Variants in LATS1 observed in about 807,000 individuals in gnomAD.
LATS1 encodes the protein serine/threonine-protein kinase LATS1.
A neutral mutation model predicts 106.6 loss-of-function variants in LATS1; 25 were observed. The ratio of observed to expected loss-of-function variants is 0.23; its 90% CI spans 0.17 to 0.33. The LOEUF (loss-of-function observed/expected upper bound fraction) is 0.33. Ranked by LOEUF, LATS1 falls within the 10% of genes least tolerant of loss-of-function variation. LATS1 has a pLI of 1.00. For synonymous variants in LATS1, 465 were observed against 455.6 expected (o/e 1.02, Z -0.26); for missense variants, 1,040 against 1,382.6 (o/e 0.75, Z 3.93).
At position 149,680,606 on chromosome 6, in the gene LATS1, G is replaced by C. The variant is rs755175459; in HGVS notation, c.2011-149C>G. On this transcript the variant is annotated intron_variant, in intron 4 of 7. Transcript: ENST00000543571. ...TTAGAAATCTAGAAAACATTTCAAA[G>C]GAAATTAATGATCAAAAGTGCAGCC... 74 of 636,472 alleles carry C rather than the reference G, an allele frequency of 1.2e-4. 1 individual carries two copies. The highest frequency in any genetic ancestry group is 1.7e-4 in the Non-Finnish European group (62 of 374,408). The allele number at this position is 636,472 out of a possible 1,614,324, so 39.4% of individuals were successfully genotyped here.
At chr6:149,716,046 C>T (rs1185696401) in intron 1 of LATS1, among the ~76,000 whole-genome samples, 1 of 151,148 alleles carries the variant, frequency 6.6e-6, no homozygotes, top group Non-Finnish European at 1.5e-5. Context: ...TGACAGATCG[C>T]CATTTTTTTT....
rs1031545716 is a variant in LATS1, at chr6:149,667,331, G to A, written c.2884-5093C>T. On this transcript the variant is annotated intron_variant, in intron 7 of 7. Transcript: ENST00000543571. Reference sequence around the variant, plus strand: ...TGCCTACAGTCCCAGCGACTCAGGAGGCTGAGGTGGAAGGATCACTTGAAC... The same window carrying A: ...TGCCTACAGTCCCAGCGACTCAGGAAGCTGAGGTGGAAGGATCACTTGAAC... 5.3e-5 allele frequency among the ~76,000 whole-genome samples: 8 copies of A among 151,250 alleles called. No homozygotes were observed. The South Asian group carries it at 1.5e-3, about 28-fold the overall frequency.
chr6:149,694,919 C>T (rs1782973186), intron 3 of LATS1, among the ~76,000 whole-genome samples, 155 bp downstream of exon 3: 1 of 152,144 alleles, frequency 6.6e-6, no homozygotes, highest in Non-Finnish European at 1.5e-5. Flanking sequence ...TCCTTAAATT[C>T]ATTTTGGTAT....
intron 3 of LATS1, 66 bp from the exon 4 acceptor site, chr6:149,684,658 T>A: frequency 8.5e-7 from 1 of 1,179,410 alleles, no homozygotes; most frequent in Non-Finnish European, 1.2e-6. Context: ...TTTGAAAACC[T>A]TAGCTTGCAA....
chr6:149,682,213 A>C (rs899335702), intron 4 of LATS1, among the ~76,000 whole-genome samples: 3 of 152,068 alleles, frequency 2.0e-5, no homozygotes, highest in South Asian at 2.1e-4. Context: ...TCTCCCTTTT[A>C]GTATAGTTTC....
intron 3 of LATS1, among the ~76,000 whole-genome samples, chr6:149,692,853 T>C (rs1782844640): frequency 6.6e-6 from 1 of 151,998 alleles, no homozygotes; most frequent in African/African-American, 2.4e-5. Context: ...TTTGTATTTT[T>C]AGTAGAGACG....
In LATS1 at chr6:149,712,729, C is replaced by G. The variant is rs1582935588; in HGVS notation, c.-141+5120G>C. On this transcript the variant is annotated intron_variant, in intron 1 of 7. Coordinates refer to ENST00000543571, the MANE Select transcript of LATS1 (RefSeq NM_004690.4). ...AAAGTTAGGGCCGGGTGCAGTGGCT[C>G]ATGCCTGTAATTCCAAAACTTTTGG... 8.5e-5 allele frequency among the ~76,000 whole-genome samples: 13 copies of G among 152,262 alleles called. 1 individual carries two copies. The South Asian group carries it at 2.7e-3, about 32-fold the overall frequency.
At chr6:149,665,777 C>T (rs541378931) in intron 7 of LATS1, among the ~76,000 whole-genome samples, 9 of 152,198 alleles carry the variant, frequency 5.9e-5, no homozygotes, top group Non-Finnish European at 1.3e-4. Flanking sequence ...TCAAAAAAGA[C>T]TGGTTGGAAC....
At chr6:149,709,403 A>G (rs1367830949) in intron 1 of LATS1, among the ~76,000 whole-genome samples, 1 of 152,236 alleles carries the variant, frequency 6.6e-6, no homozygotes, top group Admixed American at 6.5e-5. Flanking sequence ...CCATATCTTC[A>G]AACAGTCCTG....
chr6:149,662,546 C>T (rs1780929734), intron 7 of LATS1, among the ~76,000 whole-genome samples: 2 of 151,992 alleles, frequency 1.3e-5, no homozygotes, highest in South Asian at 4.1e-4. Context: ...GCTTGTGGTA[C>T]CTATTTATGT....
intron 3 of LATS1, among the ~76,000 whole-genome samples, chr6:149,685,803 CAA>C (rs11316486): frequency 1.7e-4 from 25 of 144,728 alleles, no homozygotes; most frequent in Admixed American, 2.7e-4. Flanking sequence ...ATAAAACAAG[CAA>C]AAAAAAAAAT....
At chr6:149,716,109 A>G (rs1784373314) in intron 1 of LATS1, 1 of 151,890 alleles carries the variant, frequency 6.6e-6, no homozygotes, top group Middle Eastern at 3.4e-3. Flanking sequence ...AACAAGTATC[A>G]TTGATTAGTT....
chr6:149,702,169 T>C lies in LATS1; in HGVS notation c.-43A>G, dbSNP rs1295848761. Reference sequence around the variant, plus strand: ...TAGCCCACACGAAGGACTTCTTTATTTGATAGATCCAGAGCTTTCTTCTGA... The same window carrying C: ...TAGCCCACACGAAGGACTTCTTTATCTGATAGATCCAGAGCTTTCTTCTGA... On this transcript the variant is annotated 5_prime_UTR_variant, in exon 2 of 8. Coordinates refer to ENST00000543571, the MANE Select transcript of LATS1 (RefSeq NM_004690.4). 5 of 1,307,146 alleles carry C rather than the reference T, an allele frequency of 3.8e-6. No individual in the cohort carries two copies. Among genetic ancestry groups the C allele is most frequent in the Non-Finnish European group, 5.3e-6 (5 of 935,662 alleles). 81.0% of individuals were successfully genotyped at this position (1,307,146 alleles called of 1,614,324 possible). A position where few individuals can be genotyped will look rare whatever the true frequency, so the allele number is the denominator to read the frequency against.
chr6:149,682,285 A>G (rs1348375993), intron 4 of LATS1, among the ~76,000 whole-genome samples: 1 of 152,206 alleles, frequency 6.6e-6, no homozygotes, highest in Non-Finnish European at 1.5e-5. Context: ...GAAGGGAGAT[A>G]TAACTGAAGG....
chr6:149,711,792 G>A (rs1434518426), intron 1 of LATS1, among the ~76,000 whole-genome samples: 1 of 152,156 alleles, frequency 6.6e-6, no homozygotes, highest in Non-Finnish European at 1.5e-5. Context: ...CCTACCTCCA[G>A]GCCCGGTTGC....
intron 5 of LATS1, among the ~76,000 whole-genome samples, chr6:149,677,542 T>TA (rs372504200): frequency 3.1e-4 from 46 of 149,478 alleles, no homozygotes; most frequent in South Asian, 1.1e-3. Flanking sequence ...GATTTATGCT[T>TA]AAAAAAAAAA....
rs1783496912 is a variant in LATS1 at position 149,702,094 on chromosome 6, T to C, written c.33A>G (p.Arg11=). The C allele has an allele frequency of 6.2e-7, 1 of 1,612,322 alleles. No homozygotes were observed. Among genetic ancestry groups the C allele is most frequent in the African/African-American group, 1.3e-5 (1 of 74,816 alleles). ...CAGGAAAGGTCTTAGGCCTCATTTG[T>C]CTATATCCTTCTGGCTTTTCACTCC... is the stretch of plus-strand genomic sequence containing the variant. MKRSEKPEGY[R]QMRPKTFPAS... The change falls in exon 2 of 8, where the codon AGA becomes AGG. Residue 11 remains arginine (R), a synonymous_variant. Coordinates refer to ENST00000543571, the MANE Select transcript of LATS1 (RefSeq NM_004690.4).
At chr6:149,676,193 TAATA>T (rs1562325066) in intron 7 of LATS1, 63 bp downstream of exon 7, 1 of 1,088,254 alleles carries the variant, frequency 9.2e-7, no homozygotes, top group Non-Finnish European at 1.4e-6. Context: ...CTCTACGTAC[TAATA>T]AATAAAAGTC....
At chr6:149,667,719 G>A (rs767567839) in intron 7 of LATS1, among the ~76,000 whole-genome samples, 10 of 151,938 alleles carry the variant, frequency 6.6e-5, no homozygotes, top group Non-Finnish European at 1.2e-4. Context: ...AATACCAAAC[G>A]GAATAAAGCC....
Sources: allele counts gnomAD v4.1 joint callset (sites outside exome capture counted in the v4.1 genomes callset), GRCh38; gene constraint gnomAD v4.1.1; transcripts MANE v1.5; gene names NCBI Gene and HGNC (gene_info 2026-07-23, HGNC 2026-07-21).